The following IKZF2 variants were observed in gnomAD, a reference collection of about 807,000 sequenced individuals.
IKZF2 encodes the protein IKAROS family zinc finger 2, also known as zinc finger protein Helios.
A neutral mutation model predicts 49.2 loss-of-function variants in IKZF2; 15 were observed. The observed-to-expected ratio is 0.30, with a 90% CI of 0.20 to 0.47. IKZF2 has a LOEUF of 0.47. IKZF2 is among the 20% of genes least tolerant of loss of function. The pLI, the probability that IKZF2 is intolerant of heterozygous loss-of-function variation, is 1.00. For missense variants in IKZF2, 567 were observed against 664.6 expected (o/e 0.85, Z 1.61); for synonymous variants, 227 against 221.4 (o/e 1.03, Z -0.23).
Position 213,049,707 on chromosome 2 carries a change from A to T in IKZF2, c.574+6T>A. 1 of 1,550,072 alleles carries T rather than the reference A, an allele frequency of 6.5e-7. No individual in the cohort carries two copies. The highest frequency in any genetic ancestry group is 1.2e-5 in the South Asian group (1 of 81,086). ...CTTTTCTTCTCAAGGAGTTGGTGACACTTACCAGAATGGGTCCTGAGGTGT... is the reference window on the plus strand; with the variant it reads ...CTTTTCTTCTCAAGGAGTTGGTGACTCTTACCAGAATGGGTCCTGAGGTGT... On this transcript the variant is annotated splice_donor_region_variant and intron_variant, in intron 6 of 8. Transcript: ENST00000434687.
chr2:213,143,397 A>G (rs1382304817), intron 4 of IKZF2, among the ~76,000 whole-genome samples: 1 of 151,992 alleles, frequency 6.6e-6, no homozygotes, highest in African/African-American at 2.4e-5. Flanking sequence ...TGGGAGCGGA[A>G]TGAGGTGCAA....
At chr2:213,012,176 T>G (rs1422232269) in intron 8 of IKZF2, among the ~76,000 whole-genome samples, 1 of 152,012 alleles carries the variant, frequency 6.6e-6, no homozygotes, top group East Asian at 1.9e-4. Flanking sequence ...TGTTATATAT[T>G]ACTAGGATAG....
chr2:213,052,345 T>A (rs77440868), intron 5 of IKZF2, among the ~76,000 whole-genome samples: 10,250 of 152,026 alleles, frequency 0.067, 1,024 homozygotes, highest in African/African-American at 0.22. Flanking sequence ...AGGTAAATAG[T>A]TTTCTTCCTT....
At chr2:213,047,818 A>G (rs767736315) in intron 6 of IKZF2, among the ~76,000 whole-genome samples, 1 of 152,120 alleles carries the variant, frequency 6.6e-6, no homozygotes, top group Non-Finnish European at 1.5e-5. Context: ...TTGAAAAATT[A>G]TAGTAATATA....
intron 4 of IKZF2, among the ~76,000 whole-genome samples, chr2:213,096,292 G>GT (rs1705983538): frequency 1.3e-5 from 2 of 151,826 alleles, no homozygotes; most frequent in Non-Finnish European, 2.9e-5. Flanking sequence ...CTAACTATAG[G>GT]TAAAAACTTT....
chr2:213,097,689 G>GT (rs1291829038), intron 4 of IKZF2, among the ~76,000 whole-genome samples: 1 of 152,018 alleles, frequency 6.6e-6, no homozygotes, highest in Non-Finnish European at 1.5e-5. Context: ...ACGGGTGATT[G>GT]TATCATAGAA....
intron 4 of IKZF2, among the ~76,000 whole-genome samples, chr2:213,087,351 C>T (rs575998554): frequency 1.1e-4 from 17 of 152,168 alleles, no homozygotes; most frequent in African/African-American, 2.4e-4. Flanking sequence ...CTCACACGTA[C>T]GCATAAAATT....
intron 6 of IKZF2, among the ~76,000 whole-genome samples, chr2:213,038,021 A>C (rs1699203544): frequency 1.3e-5 from 2 of 152,062 alleles, no homozygotes; most frequent in African/African-American, 4.8e-5. Context: ...CTTAAAAAAA[A>C]AAAAAAAGTC....
intron 4 of IKZF2, among the ~76,000 whole-genome samples, chr2:213,125,509 G>T (rs1018593518): frequency 3.9e-5 from 6 of 152,078 alleles, no homozygotes; most frequent in African/African-American, 1.4e-4. Flanking sequence ...TTTGTCAAGG[G>T]GAGAAAACAG....
chr2:213,022,244 A>G, intron 6 of IKZF2, 114 bp from the exon 7 acceptor site: 2 of 995,752 alleles, frequency 2.0e-6, no homozygotes, highest in Non-Finnish European at 2.8e-6. Context: ...TCAGACTTAA[A>G]TCTCTTCCTC....
intron 5 of IKZF2, among the ~76,000 whole-genome samples, chr2:213,051,090 C>T (rs1700635466): frequency 6.6e-6 from 1 of 151,866 alleles, no homozygotes. Flanking sequence ...TTAACTGAAA[C>T]ACACATAATA....
At chr2:213,053,878 G>A (rs572887542) in intron 5 of IKZF2, among the ~76,000 whole-genome samples, 31 of 152,282 alleles carry the variant, frequency 2.0e-4, no homozygotes, top group Admixed American at 1.5e-3. Context: ...GTATGACAGA[G>A]AAAGAAGAAG....
At chr2:213,127,084 A>T (rs2060291441) in intron 4 of IKZF2, among the ~76,000 whole-genome samples, 1 of 152,220 alleles carries the variant, frequency 6.6e-6, no homozygotes, top group African/African-American at 2.4e-5. Context: ...ATGCTATTAC[A>T]GGACACGGTT....
At position 213,089,984 on chromosome 2, in the gene IKZF2, T is replaced by C. The variant is rs549423150; in HGVS notation, c.140-32885A>G. On this transcript the variant is annotated intron_variant, in intron 4 of 8. Transcript: ENST00000434687. ...CTTCTTTAAGGCCCAGACAATACAA[T>C]ATCACTCACAGCTGGGGAGAGACCT... is the stretch of plus-strand genomic sequence containing the variant. Among the ~76,000 whole-genome samples, 3 of 152,276 alleles carry C rather than the reference T, an allele frequency of 2.0e-5. 1 individual carries two copies. The highest frequency in any genetic ancestry group is 4.1e-4 in the South Asian group (2 of 4,826).
chr2:213,136,255 C>T (rs1371545452), intron 4 of IKZF2, among the ~76,000 whole-genome samples: 1 of 147,732 alleles, frequency 6.8e-6, no homozygotes, highest in Non-Finnish European at 1.5e-5. Flanking sequence ...CCTGTAATCC[C>T]AGCTACTCGG....
intron 5 of IKZF2, among the ~76,000 whole-genome samples, chr2:213,050,629 T>A (rs993317248): frequency 1.3e-5 from 2 of 151,774 alleles, no homozygotes; most frequent in Non-Finnish European, 3.0e-5. Flanking sequence ...CCTGTACATG[T>A]TTTTTGTGAA....
intron 4 of IKZF2, among the ~76,000 whole-genome samples, chr2:213,097,208 A>T (rs1706108738): frequency 6.6e-6 from 1 of 151,964 alleles, no homozygotes; most frequent in South Asian, 2.1e-4. Flanking sequence ...AACTATGGTG[A>T]TTCTAAAAAA....
intron 4 of IKZF2, among the ~76,000 whole-genome samples, chr2:213,093,735 A>G (rs1485541004): frequency 6.6e-6 from 1 of 152,204 alleles, no homozygotes; most frequent in Non-Finnish European, 1.5e-5. Context: ...AGGAATAACT[A>G]GAAATACCCA....
At chr2:213,021,041 C>T (rs1697147979) in intron 7 of IKZF2, among the ~76,000 whole-genome samples, 2 of 151,908 alleles carry the variant, frequency 1.3e-5, no homozygotes, top group African/African-American at 4.8e-5. Context: ...GGCGAAACCC[C>T]GTCTCTACTA....
Sources: allele counts gnomAD v4.1 joint callset (sites outside exome capture counted in the v4.1 genomes callset), GRCh38; gene constraint gnomAD v4.1.1; transcripts MANE v1.5; gene names NCBI Gene and HGNC (gene_info 2026-07-23, HGNC 2026-07-21).